NUBPL: variants seen among roughly 807,000 people sequenced by gnomAD.
NUBPL encodes iron-sulfur cluster transfer protein NUBPL.
Under a neutral mutation model 45.7 loss-of-function variants are expected in NUBPL, and 31 were observed. The ratio of observed to expected loss-of-function variants is 0.68; its 90% confidence interval spans 0.51 to 0.92. The LOEUF (loss-of-function observed/expected upper bound fraction) is 0.92. NUBPL is among the 40% of genes least tolerant of loss of function. NUBPL has a pLI of 0.00. For synonymous variants in NUBPL, 144 were observed against 140.9 expected (o/e 1.02, Z -0.15); for missense variants, 401 against 398.7 (o/e 1.01, Z -0.05).
chr14:31,572,801 T>C (rs2033623252), intron 3 of NUBPL, among the ~76,000 whole-genome samples: 1 of 152,204 alleles, frequency 6.6e-6, no homozygotes, highest in Non-Finnish European at 1.5e-5. Context: ...AGCTAGATAG[T>C]ATAGCCTACT....
intron 8 of NUBPL, among the ~76,000 whole-genome samples, chr14:31,838,618 C>G (rs2040321772): frequency 6.6e-6 from 1 of 152,108 alleles, no homozygotes; most frequent in Admixed American, 6.6e-5. Context: ...GTGTTGGCAA[C>G]ATTTTATTAA....
At chr14:31,696,110 G>A (rs745459621) in intron 6 of NUBPL, among the ~76,000 whole-genome samples, 8 of 152,194 alleles carry the variant, frequency 5.3e-5, no homozygotes, top group Non-Finnish European at 7.3e-5. Context: ...GTTTTGAATT[G>A]TAGCAATTTG....
At chr14:31,609,218 AGGG>A (rs1461803141) in intron 4 of NUBPL, among the ~76,000 whole-genome samples, 1 of 152,168 alleles carries the variant, frequency 6.6e-6, no homozygotes, top group Non-Finnish European at 1.5e-5. Flanking sequence ...CTGAAAATAA[AGGG>A]GTATAAAAGA....
In NUBPL at chr14:31,850,550, G is replaced by A. The variant is rs2040522336; in HGVS notation, c.897+349G>A. Among the ~76,000 whole-genome samples the A allele has an allele frequency of 1.3e-5, 2 of 152,134 alleles. 1 individual carries two copies. The highest frequency in any genetic ancestry group is 3.9e-4 in the East Asian group (2 of 5,194). On this transcript the variant is annotated intron_variant, in intron 10 of 10. Coordinates refer to ENST00000281081, the MANE Select transcript of NUBPL (RefSeq NM_025152.3). ...ATTAGAAGTTCAACTGATTGGAGAA[G>A]GAAGCCTAATGCAAGAAAGTATTGA... is the stretch of plus-strand genomic sequence containing the variant.
chr14:31,599,260 G>T (rs758877778), intron 3 of NUBPL, 29 bp from the exon 4 acceptor site: 8 of 1,525,608 alleles, frequency 5.2e-6, no homozygotes, highest in Non-Finnish European at 6.3e-6. Flanking sequence ...TTTTTGTTTT[G>T]TTTTATATTT....
chr14:31,854,578 C>T (rs2139015319), intron 10 of NUBPL, among the ~76,000 whole-genome samples: 1 of 152,308 alleles, frequency 6.6e-6, no homozygotes, highest in South Asian at 2.1e-4. Context: ...CAACAATTCA[C>T]ATGCCATATT....
intron 4 of NUBPL, among the ~76,000 whole-genome samples, chr14:31,646,816 C>T (rs2035866424): frequency 6.6e-6 from 1 of 150,920 alleles, no homozygotes; most frequent in Admixed American, 6.6e-5. Flanking sequence ...TCTTGCTCAG[C>T]TCCCTCTTCA....
Position 31,860,021 on chromosome 14 carries a change from G to T in NUBPL, c.*841G>T, listed in dbSNP as rs557397654. The stretch of plus-strand genomic sequence containing the variant: ...TTTTGTTAATTAAAAAAAGTCGGTG[G>T]TGGCTAGGCGTGGTGGCTCACGCCT... On this transcript the variant is annotated 3_prime_UTR_variant, in exon 11 of 11. Transcript: ENST00000281081. 3 of 152,130 alleles carry T rather than the reference G, an allele frequency of 2.0e-5. No homozygotes were observed. The highest frequency in any genetic ancestry group is 2.1e-4 in the South Asian group (1 of 4,806). 9.4% of individuals were successfully genotyped at this position (152,130 alleles called of 1,614,324 possible).
chr14:31,647,268 T>C (rs2035880895), intron 4 of NUBPL, among the ~76,000 whole-genome samples: 1 of 152,248 alleles, frequency 6.6e-6, no homozygotes. Flanking sequence ...CTTGTGGATG[T>C]ACATCTATGT....
intron 8 of NUBPL, among the ~76,000 whole-genome samples, chr14:31,828,966 T>C (rs1025783696): frequency 9.9e-5 from 15 of 152,192 alleles, no homozygotes; most frequent in African/African-American, 3.1e-4. Flanking sequence ...AAGGAAGTAT[T>C]GTGAGGAAGT....
chr14:31,844,383 A>C (rs1221565693), intron 8 of NUBPL: 1 of 152,228 alleles, frequency 6.6e-6, no homozygotes, highest in Non-Finnish European at 1.5e-5. Flanking sequence ...CTGCCCAAGC[A>C]GTGAGTGTAT....
At chr14:31,795,013 C>G (rs1190191277) in intron 7 of NUBPL, among the ~76,000 whole-genome samples, 5 of 144,666 alleles carry the variant, frequency 3.5e-5, no homozygotes, top group African/African-American at 1.1e-4. Flanking sequence ...GCTTGTTTTT[C>G]TCAGGTTTGT....
chr14:31,826,215 G>C (rs1030839043), intron 7 of NUBPL, among the ~76,000 whole-genome samples: 1 of 152,016 alleles, frequency 6.6e-6, no homozygotes, highest in Admixed American at 6.6e-5. Context: ...CTGTCTCCCA[G>C]GTTCAAGTGA....
At chr14:31,830,241 T>C (rs1254242982) in intron 8 of NUBPL, among the ~76,000 whole-genome samples, 1 of 152,238 alleles carries the variant, frequency 6.6e-6, no homozygotes, top group East Asian at 1.9e-4. Flanking sequence ...TATTTACTGA[T>C]ATTTAGTGTC....
intron 1 of NUBPL, 56 bp from the exon 2 acceptor site, chr14:31,562,012 G>A: frequency 6.5e-7 from 1 of 1,531,428 alleles, no homozygotes; most frequent in East Asian, 2.5e-5. Flanking sequence ...CTTTTACAGT[G>A]TGATGATGGA....
intron 4 of NUBPL, among the ~76,000 whole-genome samples, chr14:31,663,974 T>G (rs1378297196): frequency 6.6e-6 from 1 of 152,232 alleles, no homozygotes; most frequent in African/African-American, 2.4e-5. Context: ...GTTGTATTCC[T>G]GGGTATTTTA....
chr14:31,650,534 C>A (rs1595436519), intron 4 of NUBPL, among the ~76,000 whole-genome samples: 1 of 152,116 alleles, frequency 6.6e-6, no homozygotes, highest in East Asian at 1.9e-4. Context: ...CATGATCCAC[C>A]CATGTCGGCC....
chr14:31,647,713 C>T (rs537790528), intron 4 of NUBPL, among the ~76,000 whole-genome samples: 5 of 152,306 alleles, frequency 3.3e-5, no homozygotes, highest in East Asian at 3.9e-4. Flanking sequence ...ATATTTCTCC[C>T]TTTAGGCGTT....
chr14:31,780,883 A>G (rs1324034810), intron 6 of NUBPL, among the ~76,000 whole-genome samples: 1 of 152,218 alleles, frequency 6.6e-6, no homozygotes, highest in African/African-American at 2.4e-5. Context: ...ACAATTTTGG[A>G]ATAACTTTTA....
Sources: gnomAD v4.1 joint callset for allele counts (sites outside exome capture counted in the v4.1 genomes callset) on GRCh38, gnomAD v4.1.1 for gene constraint, MANE v1.5 for transcripts, NCBI Gene and HGNC (gene_info 2026-07-23, HGNC 2026-07-21) for gene names.